Variants in MSH3 observed in about 807,000 individuals in gnomAD.
MSH3 encodes DNA mismatch repair protein Msh3.
Under a neutral mutation model 123.3 loss-of-function variants are expected in MSH3, and 106 were observed. That is an observed-to-expected ratio of 0.86 (90% CI 0.73 to 1.01). The LOEUF (loss-of-function observed/expected upper bound fraction) is 1.01. MSH3 is among the 50% of genes least tolerant of loss of function. The pLI is 0.00. For missense variants in MSH3, 1,459 were observed against 1,347.6 expected (o/e 1.08, Z -1.29); for synonymous variants, 515 against 481.4 (o/e 1.07, Z -0.91).
At chr5:80,763,213 C>T (rs1194455216) in intron 13 of MSH3, among the ~76,000 whole-genome samples, 6 of 152,192 alleles carry the variant, frequency 3.9e-5, no homozygotes, top group African/African-American at 1.4e-4. Context: ...TCCCCTTTTA[C>T]CCCCACAGAG....
At chr5:80,690,232 T>C (rs918951870) in intron 8 of MSH3, among the ~76,000 whole-genome samples, 1 of 152,166 alleles carries the variant, frequency 6.6e-6, no homozygotes, top group Non-Finnish European at 1.5e-5. Context: ...TCCAGTCTTT[T>C]TCTTTCTTCA....
chr5:80,737,759 G>A (rs770878331), intron 10 of MSH3, among the ~76,000 whole-genome samples: 3 of 152,220 alleles, frequency 2.0e-5, no homozygotes, highest in East Asian at 1.9e-4. Flanking sequence ...TCCAGAATAC[G>A]TATAAATTTA....
At chr5:80,741,844 A>G (rs1743620960) in intron 11 of MSH3, among the ~76,000 whole-genome samples, 1 of 152,106 alleles carries the variant, frequency 6.6e-6, no homozygotes, top group South Asian at 2.1e-4. Context: ...CATCACTGAA[A>G]ATATGAAGCG....
At chr5:80,751,018 C>A (rs1341999593) in intron 12 of MSH3, among the ~76,000 whole-genome samples, 1 of 152,030 alleles carries the variant, frequency 6.6e-6, no homozygotes, top group Admixed American at 6.6e-5. Flanking sequence ...ATGATTGTTA[C>A]CTATGTTTAT....
chr5:80,864,403 A>G (rs1746064988), intron 21 of MSH3, among the ~76,000 whole-genome samples: 1 of 152,232 alleles, frequency 6.6e-6, no homozygotes, highest in Admixed American at 6.5e-5. Context: ...AAGGAAAGAG[A>G]CAAAAAGAAA....
intron 12 of MSH3, among the ~76,000 whole-genome samples, chr5:80,745,509 A>G (rs890189763): frequency 2.0e-5 from 3 of 152,264 alleles, no homozygotes; most frequent in Admixed American, 2.0e-4. Context: ...TTAGTGTTTC[A>G]TAGCTGGTAG....
intron 22 of MSH3, among the ~76,000 whole-genome samples, chr5:80,870,702 G>C (rs1746197661): frequency 6.6e-6 from 1 of 152,146 alleles, no homozygotes; most frequent in African/African-American, 2.4e-5. Context: ...TTATCTGTCT[G>C]CTGCCGAATT....
chr5:80,654,947 C>T lies in MSH3; in HGVS notation c.220C>T (p.Gln74Ter), dbSNP rs751800062. ...GCCCCCAGCTCCCGCCTTCCCGCCC[C>T]AGCTGCCGCCGCACATAGTAGGTTC... is the stretch of plus-strand genomic sequence containing the variant. ...PAPPAPAFPP[Q>*]LPPHIATEID... The change falls in exon 1 of 24, where the codon CAG (glutamine) becomes TAG (stop). Residue 74 changes from glutamine (Q) to a stop codon, truncating the protein, a stop_gained. Transcript: ENST00000265081. LOFTEE classifies it high-confidence loss of function. 8 of 1,471,922 alleles carry T rather than the reference C, an allele frequency of 5.4e-6. No individual in the cohort carries two copies. Among genetic ancestry groups the T allele is most frequent in the Non-Finnish European group, 7.2e-6 (8 of 1,114,874 alleles). The allele number at this position is 1,471,922 out of a possible 1,614,324, so 91.2% of individuals were successfully genotyped here. A position where few individuals can be genotyped will look rare whatever the true frequency, so the allele number is the denominator to read the frequency against.
At chr5:80,709,928 G>A (rs1324073664) in intron 8 of MSH3, among the ~76,000 whole-genome samples, 4 of 152,186 alleles carry the variant, frequency 2.6e-5, no homozygotes, top group African/African-American at 7.2e-5. Flanking sequence ...AAAAGGTGCT[G>A]TTGGAGGCAA....
chr5:80,820,092 A>G (rs894100304), intron 20 of MSH3, among the ~76,000 whole-genome samples: 8 of 152,210 alleles, frequency 5.3e-5, no homozygotes, highest in African/African-American at 1.7e-4. Flanking sequence ...GAAAGGAATG[A>G]GACAGCTTGC....
chr5:80,710,893 C>T (rs1013824186), intron 8 of MSH3, among the ~76,000 whole-genome samples: 6 of 152,198 alleles, frequency 3.9e-5, no homozygotes, highest in African/African-American at 1.2e-4. Flanking sequence ...CCTCCCCCTT[C>T]GAGTGTTCCC....
intron 20 of MSH3, among the ~76,000 whole-genome samples, chr5:80,850,669 C>T (rs1745815542): frequency 6.6e-6 from 1 of 152,182 alleles, no homozygotes; most frequent in Non-Finnish European, 1.5e-5. Flanking sequence ...AGTCATCTCT[C>T]ACCAGGTCCC....
chr5:80,758,729 C>A (rs566789698), intron 12 of MSH3, among the ~76,000 whole-genome samples: 6 of 152,208 alleles, frequency 3.9e-5, no homozygotes, highest in African/African-American at 1.4e-4. Context: ...AGTTTTATAT[C>A]TATTAAAAAA....
chr5:80,725,214 C>CAACA (rs1491259645), intron 8 of MSH3, among the ~76,000 whole-genome samples: 11 of 99,054 alleles, frequency 1.1e-4, no homozygotes, highest in African/African-American at 4.2e-4. Flanking sequence ...GACTCCATCT[C>CAACA]AAAAAAAAAA....
At chr5:80,863,927 G>T (rs1746055615) in intron 21 of MSH3, among the ~76,000 whole-genome samples, 1 of 152,132 alleles carries the variant, frequency 6.6e-6, no homozygotes, top group South Asian at 2.1e-4. Flanking sequence ...CTAAAAGGGT[G>T]CCTGGCTCTT....
At position 80,691,998 on chromosome 5, in the gene MSH3, TAGATAAACATGTATATGTTTAG is replaced by T. The variant is rs1561444477; in HGVS notation, c.1340+12907_1340+12928del. On this transcript the variant is annotated intron_variant, in intron 8 of 23. Coordinates refer to ENST00000265081, the MANE Select transcript of MSH3 (RefSeq NM_002439.5). ...ATAGATAAACATGTATATGTTTAGA[TAGATAAACATGTATATGTTTAG>T]ATAGATAAACAGTATGTTTAGATAG... is the stretch of plus-strand genomic sequence containing the variant. Among the ~76,000 whole-genome samples the T allele has an allele frequency of 9.2e-3, 929 of 100,982 alleles. 192 individuals carry two copies. The highest frequency in any genetic ancestry group is 0.037 in the Middle Eastern group (3 of 80). The allele number at this position is 100,982 out of a possible 152,430, so 66.2% of individuals were successfully genotyped here. A position where few individuals can be genotyped will look rare whatever the true frequency, so the allele number is the denominator to read the frequency against.
intron 9 of MSH3, among the ~76,000 whole-genome samples, chr5:80,727,277 TAAAAG>T (rs1743318112): frequency 1.3e-5 from 2 of 152,198 alleles, no homozygotes; most frequent in East Asian, 1.9e-4. Flanking sequence ...GCTAGAAAGT[TAAAAG>T]AAAATCAATT....
At chr5:80,746,759 T>A in intron 12 of MSH3, 1 of 398,790 alleles carries the variant, frequency 2.5e-6, no homozygotes. Flanking sequence ...TCACAGATTG[T>A]TTGGCAATTT....
intron 8 of MSH3, among the ~76,000 whole-genome samples, chr5:80,717,487 C>G (rs1275573456): frequency 6.6e-6 from 1 of 152,102 alleles, no homozygotes. Flanking sequence ...GTCTCAAACT[C>G]CTGGCCTCAA....
Sources: allele counts gnomAD v4.1 joint callset (sites outside exome capture counted in the v4.1 genomes callset), GRCh38; gene constraint gnomAD v4.1.1; transcripts MANE v1.5; gene names NCBI Gene and HGNC (gene_info 2026-07-23, HGNC 2026-07-21).